Variants in MARCHF1 observed in about 807,000 individuals in gnomAD.
MARCHF1 encodes the protein E3 ubiquitin-protein ligase MARCHF1.
In MARCHF1, 40 loss-of-function variants were observed where a neutral mutation model predicts 54.2. The observed-to-expected ratio is 0.74, with a 90% CI of 0.57 to 0.96. The LOEUF (loss-of-function observed/expected upper bound fraction) is 0.96. Among genes scored for constraint, MARCHF1 ranks in the 40% least tolerant of loss-of-function variants. The pLI, the probability that MARCHF1 is intolerant of heterozygous loss-of-function variation, is 0.00. For missense variants in MARCHF1, 586 were observed against 656.5 expected (o/e 0.89, Z 1.17); for synonymous variants, 236 against 236.3 (o/e 1.00, Z 0.01).
chr4:163,620,321 A>G (rs1243328556), intron 5 of MARCHF1, among the ~76,000 whole-genome samples: 1 of 152,136 alleles, frequency 6.6e-6, no homozygotes, highest in African/African-American at 2.4e-5. Context: ...GTAACTGTAA[A>G]TTGGTACAAC....
At chr4:164,169,360 C>T (rs1730465426) in intron 1 of MARCHF1, among the ~76,000 whole-genome samples, 1 of 151,986 alleles carries the variant, frequency 6.6e-6, no homozygotes, top group African/African-American at 2.4e-5. Flanking sequence ...AATATGTAGG[C>T]ATGTTAGGTG....
chr4:163,607,608 T>C (rs1042809879), intron 7 of MARCHF1, among the ~76,000 whole-genome samples: 4 of 152,080 alleles, frequency 2.6e-5, no homozygotes, highest in Admixed American at 2.6e-4. Flanking sequence ...AGTACAGGAA[T>C]GTAACCTAGT....
intron 1 of MARCHF1, among the ~76,000 whole-genome samples, chr4:164,289,599 A>C (rs1383965711): frequency 1.3e-5 from 2 of 151,614 alleles, no homozygotes; most frequent in Non-Finnish European, 3.0e-5. Flanking sequence ...AAAAAAAAAA[A>C]AAAAAACCTG....
chr4:163,917,894 C>A (rs1751345088), intron 3 of MARCHF1, among the ~76,000 whole-genome samples: 1 of 152,124 alleles, frequency 6.6e-6, no homozygotes, highest in Non-Finnish European at 1.5e-5. Context: ...TGTGCAGAAG[C>A]TCTTTGGTTT....
chr4:163,943,078 A>T (rs1579410735), intron 3 of MARCHF1, among the ~76,000 whole-genome samples: 1 of 152,266 alleles, frequency 6.6e-6, no homozygotes, highest in South Asian at 2.1e-4. Flanking sequence ...GTTCCTTATA[A>T]TTGCTGGATA....
intron 1 of MARCHF1, among the ~76,000 whole-genome samples, chr4:164,170,114 A>G (rs1730483570): frequency 6.6e-6 from 1 of 152,166 alleles, no homozygotes; most frequent in African/African-American, 2.4e-5. Context: ...AGAAAAAATG[A>G]AAGGATAACA....
rs978035729 is a variant in MARCHF1, at chr4:163,851,073, G to A, written c.111+2948C>T. 6.6e-5 allele frequency among the ~76,000 whole-genome samples: 10 copies of A among 151,932 alleles called. No homozygotes were observed. The East Asian group carries it at 1.3e-3, about 21-fold the overall frequency. ...AATTGTACTAAAACCCCATGATTCCGGAATATAACACTTAAATGTTTAAAA... is the reference window on the plus strand; with the variant it reads ...AATTGTACTAAAACCCCATGATTCCAGAATATAACACTTAAATGTTTAAAA... On this transcript the variant is annotated intron_variant, in intron 4 of 9. Transcript: ENST00000514618.
At chr4:163,929,537 A>T (rs1034382257) in intron 3 of MARCHF1, among the ~76,000 whole-genome samples, 1 of 151,968 alleles carries the variant, frequency 6.6e-6, no homozygotes, top group Non-Finnish European at 1.5e-5. Context: ...TTGCCAATTA[A>T]GTATTTTTTT....
chr4:163,922,604 T>C (rs1283486879), intron 3 of MARCHF1, among the ~76,000 whole-genome samples: 2 of 152,198 alleles, frequency 1.3e-5, no homozygotes, highest in Non-Finnish European at 2.9e-5. Context: ...AGCAATTTGA[T>C]TACTTAGGTG....
At chr4:163,561,675 A>G (rs910024789) in intron 8 of MARCHF1, among the ~76,000 whole-genome samples, 1 of 152,128 alleles carries the variant, frequency 6.6e-6, no homozygotes, top group South Asian at 2.1e-4. Flanking sequence ...AAAAGGATGG[A>G]GGAAGAAGAT....
At chr4:164,284,137 G>A (rs1334415711) in intron 1 of MARCHF1, among the ~76,000 whole-genome samples, 1 of 150,950 alleles carries the variant, frequency 6.6e-6, no homozygotes, top group African/African-American at 2.4e-5. Flanking sequence ...GCTAAGGTTC[G>A]CTATTCAAAT....
chr4:163,820,491 T>C (rs769707163), intron 4 of MARCHF1, among the ~76,000 whole-genome samples: 2 of 152,086 alleles, frequency 1.3e-5, no homozygotes, highest in Non-Finnish European at 2.9e-5. Flanking sequence ...TTCAATGATG[T>C]ACTCATACGT....
At chr4:164,336,877 T>C (rs1729755605) in intron 1 of MARCHF1, among the ~76,000 whole-genome samples, 2 of 152,198 alleles carry the variant, frequency 1.3e-5, no homozygotes, top group African/African-American at 4.8e-5. Flanking sequence ...TTAATGGCTC[T>C]GGAAAATTTT....
At chr4:164,155,105 G>C (rs1579579799) in intron 1 of MARCHF1, among the ~76,000 whole-genome samples, 1 of 152,124 alleles carries the variant, frequency 6.6e-6, no homozygotes, top group Admixed American at 6.5e-5. Context: ...CTGGAGCCTG[G>C]GGTTTGGGAT....
chr4:164,127,465 T>C (rs1268335185), intron 1 of MARCHF1, among the ~76,000 whole-genome samples: 2 of 152,132 alleles, frequency 1.3e-5, no homozygotes. Flanking sequence ...AAGAATTAGA[T>C]ATATGAGCAT....
At chr4:163,770,540 AC>A in intron 4 of MARCHF1, among the ~76,000 whole-genome samples, 2 of 150,384 alleles carry the variant, frequency 1.3e-5, no homozygotes, top group Middle Eastern at 6.8e-3. Flanking sequence ...ACACACACAC[AC>A]ACACACACAC....
chr4:163,578,854 G>T (rs547211083), intron 8 of MARCHF1, among the ~76,000 whole-genome samples: 1 of 152,108 alleles, frequency 6.6e-6, no homozygotes, highest in Non-Finnish European at 1.5e-5. Flanking sequence ...CTGGTATATG[G>T]TATATAATAC....
intron 3 of MARCHF1, among the ~76,000 whole-genome samples, chr4:163,889,236 T>C (rs1436316167): frequency 1.3e-5 from 2 of 152,218 alleles, no homozygotes; most frequent in Non-Finnish European, 2.9e-5. Flanking sequence ...TTAGGTACTT[T>C]GTTAAGTATC....
At chr4:164,184,946 G>A (rs1730928647) in intron 1 of MARCHF1, among the ~76,000 whole-genome samples, 1 of 152,174 alleles carries the variant, frequency 6.6e-6, no homozygotes, top group South Asian at 2.1e-4. Flanking sequence ...TGTACTTAAT[G>A]TCACTGAACT....
Sources: gnomAD v4.1 joint callset for allele counts (sites outside exome capture counted in the v4.1 genomes callset) on GRCh38, gnomAD v4.1.1 for gene constraint, MANE v1.5 for transcripts, NCBI Gene and HGNC (gene_info 2026-07-23, HGNC 2026-07-21) for gene names.